PSMC3: variants seen among roughly 807,000 people sequenced by gnomAD.
PSMC3 encodes the protein proteasome 26S subunit, ATPase 3, also known as 26S proteasome regulatory subunit 6A.
In PSMC3, 11 loss-of-function variants were observed where a neutral mutation model predicts 52.0. The ratio of observed to expected loss-of-function variants is 0.21; its 90% CI spans 0.13 to 0.35. PSMC3 has a LOEUF of 0.35. Ranked by LOEUF, PSMC3 falls within the 10% of genes least tolerant of loss-of-function variation. The probability of loss-of-function intolerance (pLI) is 1.00; values close to 1 mark genes in which losing one functional copy is unlikely to be tolerated. For synonymous variants in PSMC3, 201 were observed against 218.8 expected, an observed-to-expected ratio of 0.92 and a Z score of 0.72; for missense variants, 238 against 567.1, an observed-to-expected ratio of 0.42 and a Z score of 5.89.
chr11:47,422,944 G>T lies in PSMC3; in HGVS notation c.621C>A (p.Asn207Lys). Reference protein sequence around the residue: ...ELVEAIVLPMNHKEKFENLGI... With the variant: ...ELVEAIVLPMKHKEKFENLGI... ...CCAAGTTCTCAAACTTCTCCTTGTG[G>T]TTCATTGGCAAGACAATGGCCTCCA... Residue 207 changes from asparagine to lysine, a missense_variant, in exon 7 of 12, where the codon AAC (asparagine) becomes AAA (lysine). Asn to Lys is a moderately conservative substitution (Grantham distance 94). This residue lies in a region of PSMC3 where 60 missense variants were observed against 117.3 expected (regional missense o/e 0.51). Coordinates refer to ENST00000298852, the MANE Select transcript of PSMC3 (RefSeq NM_002804.5). The surrounding 1 kb of genome is among the most constrained non-coding windows in gnomAD (Gnocchi z 4.3). 6.2e-7 allele frequency: 1 copy of T among 1,613,370 alleles called. No individual in the cohort carries two copies.
rs764661922 is a variant in PSMC3 at position 47,422,645 on chromosome 11, G to A, written c.813C>T (p.Ala271=). ...IGDGAKLVRD[A]FALAKEKAPS... ...GCGCTTTCTCCTTGGCCAGGGCAAA[G>A]GCATCCCGGACTAGCTTGGCACCAT... Residue 271 remains alanine, a synonymous_variant, in exon 8 of 12, where the codon GCC becomes GCT. Transcript: ENST00000298852. The surrounding 1 kb of genome is among the most constrained non-coding windows in gnomAD (Gnocchi z 4.3). 4 of 1,614,072 alleles carry A rather than the reference G, an allele frequency of 2.5e-6. No homozygotes were observed. The highest frequency in any genetic ancestry group is 3.4e-6 in the Non-Finnish European group (4 of 1,180,032).
At chr11:47,426,139 C>G in intron 1 of PSMC3, 66 bp downstream of exon 1, 2 of 1,510,074 alleles carry the variant, frequency 1.3e-6, no homozygotes, top group Non-Finnish European at 1.8e-6. Flanking sequence ...CCACCTCCTT[C>G]CCTCTTGTCA....
intron 10 of PSMC3, among the ~76,000 whole-genome samples, chr11:47,419,964 C>T (rs957097415): frequency 4.6e-5 from 7 of 151,968 alleles, no homozygotes; most frequent in Non-Finnish European, 1.0e-4. Flanking sequence ...CCATTCCTGG[C>T]GTGTGTTAAT....
Position 47,426,352 on chromosome 11 carries a change from G to C in PSMC3, c.-73C>G. The C allele has an allele frequency of 1.5e-6, 2 of 1,348,812 alleles. No homozygotes were observed. Among genetic ancestry groups the C allele is most frequent in the Non-Finnish European group, 2.0e-6 (2 of 983,416 alleles). The allele number at this position is 1,348,812 out of a possible 1,614,324, so 83.6% of individuals were successfully genotyped here. On this transcript the variant is annotated 5_prime_UTR_variant, in exon 1 of 12. Transcript: ENST00000298852. ...GGAGATTAATACCGTCTTTCTTAAA[G>C]CCTTCTCTTGACCAGTGGAAAACCT...
Position 47,426,321 on chromosome 11 carries a change from G to A in PSMC3, c.-42C>T, listed in dbSNP as rs1186337904. The A allele has an allele frequency of 4.0e-6, 6 of 1,492,488 alleles. No homozygotes were observed. The highest frequency in any genetic ancestry group is 1.8e-6 in the Non-Finnish European group (2 of 1,100,120). 92.5% of individuals were successfully genotyped at this position (1,492,488 alleles called of 1,614,324 possible). ...CAGAAGATGGGACCAGGCGGGAGCCGCAACGGGAGATTAATACCGTCTTTC... is the reference window on the plus strand; with the variant it reads ...CAGAAGATGGGACCAGGCGGGAGCCACAACGGGAGATTAATACCGTCTTTC... On this transcript the variant is annotated 5_prime_UTR_variant, in exon 1 of 12. Transcript: ENST00000298852.
Position 47,426,326 on chromosome 11 carries a change from G to A in PSMC3, c.-47C>T. 1.4e-6 allele frequency: 2 copies of A among 1,473,984 alleles called. No homozygotes were observed. The highest frequency in any genetic ancestry group is 1.4e-5 in the African/African-American group (1 of 71,274). The allele number at this position is 1,473,984 out of a possible 1,614,324, so 91.3% of individuals were successfully genotyped here. A position where few individuals can be genotyped will look rare whatever the true frequency, so the allele number is the denominator to read the frequency against. On this transcript the variant is annotated 5_prime_UTR_variant, in exon 1 of 12. Transcript: ENST00000298852. ...GATGGGACCAGGCGGGAGCCGCAAC[G>A]GGAGATTAATACCGTCTTTCTTAAA...
chr11:47,423,024 A>G (rs2096042468), intron 6 of PSMC3, 51 bp from the exon 7 acceptor site: 2 of 1,535,238 alleles, frequency 1.3e-6, no homozygotes, highest in South Asian at 1.2e-5. Context: ...GGGCTTCTAC[A>G]GCCCAACCCT....
chr11:47,421,249 C>CAAAAAAAAA (rs56344837), intron 8 of PSMC3, among the ~76,000 whole-genome samples: 10 of 61,406 alleles, frequency 1.6e-4, no homozygotes, highest in Admixed American at 2.7e-4. Flanking sequence ...GACTCCATCT[C>CAAAAAAAAA]AAAAAAAAAA....
chr11:47,425,045 T>C, intron 3 of PSMC3, 76 bp downstream of exon 3: 3 of 1,595,622 alleles, frequency 1.9e-6, no homozygotes, highest in South Asian at 1.1e-5. Context: ...CCACCCACTC[T>C]TTCCCTAGTG....
chr11:47,422,919 C>G lies in PSMC3; in HGVS notation c.646G>C (p.Gly216Arg). Residue 216 changes from glycine (G) to arginine (R), a missense_variant, in exon 7 of 12, where the codon GGG (glycine) becomes CGG (arginine). Gly to Arg is a moderately radical substitution (Grantham distance 125, BLOSUM62 -2). Transcript: ENST00000298852. The surrounding 1 kb of genome is among the most constrained non-coding windows in gnomAD (Gnocchi z 4.3). ...MNHKEKFENL[G>R]IQPPKGVLMY... ...AGCACCCCTTTTGGAGGTTGGATCC[C>G]CAAGTTCTCAAACTTCTCCTTGTGG... The G allele has an allele frequency of 6.2e-7, 1 of 1,613,906 alleles. No homozygotes were observed. Among genetic ancestry groups the G allele is most frequent in the Non-Finnish European group, 8.5e-7 (1 of 1,179,938 alleles).
intron 2 of PSMC3, 164 bp from the exon 3 acceptor site, chr11:47,425,410 A>G: frequency 3.6e-6 from 3 of 834,580 alleles, no homozygotes; most frequent in Non-Finnish European, 5.5e-6. Flanking sequence ...CATCCTGCAG[A>G]AGTCAAAAGA....
In PSMC3 at chr11:47,424,425, TCAC is replaced by T; in HGVS notation, c.453+1_453+3del. 1 of 1,614,044 alleles carries T rather than the reference TCAC, an allele frequency of 6.2e-7. No homozygotes were observed. Among genetic ancestry groups the T allele is most frequent in the Non-Finnish European group, 8.5e-7 (1 of 1,179,926 alleles). The stretch of plus-strand genomic sequence containing the variant: ...AGCACTGCCTGGGCTCAGGCCCCAC[TCAC>T]CACCAGGTCTCCTGGCTTTAGCTTT... On this transcript the variant is annotated splice_donor_variant and splice_donor_region_variant and intron_variant, in intron 5 of 11. Coordinates refer to ENST00000298852, the MANE Select transcript of PSMC3 (RefSeq NM_002804.5). LOFTEE classifies it high-confidence loss of function. This position sits in a 1 kb window ranked among gnomAD's most constrained non-coding sequence, Gnocchi z 4.8.
intron 2 of PSMC3, 81 bp from the exon 3 acceptor site, chr11:47,425,327 G>A: frequency 6.4e-7 from 1 of 1,560,404 alleles, no homozygotes; most frequent in Non-Finnish European, 8.8e-7. Flanking sequence ...GAGGTCCAGG[G>A]TGCCCAGGGG....
chr11:47,424,341 A>C lies in PSMC3; in HGVS notation c.453+88T>G. ...CCCAGACTCTCGGAGCTGTTCTGCC[A>C]AGATTCAGAGCCAACAGTGACCTGG... On this transcript the variant is annotated intron_variant, in intron 5 of 11. Transcript: ENST00000298852. This position sits in a 1 kb window ranked among gnomAD's most constrained non-coding sequence, Gnocchi z 4.8. The C allele has an allele frequency of 1.3e-6, 2 of 1,567,220 alleles. No homozygotes were observed. Among genetic ancestry groups the C allele is most frequent in the Non-Finnish European group, 1.8e-6 (2 of 1,138,632 alleles).
Position 47,424,998 on chromosome 11 carries a change from A to T in PSMC3, c.285+123T>A. ...GTCTTCCCCATGAAAGTGCCCCAGG[A>T]GGTGTAGCTCTGACATGCAGTTTGG... On this transcript the variant is annotated intron_variant, in intron 3 of 11. Transcript: ENST00000298852. The surrounding 1 kb of genome is among the most constrained non-coding windows in gnomAD (Gnocchi z 4.8). 1 of 1,407,478 alleles carries T rather than the reference A, an allele frequency of 7.1e-7. No homozygotes were observed. Among genetic ancestry groups the T allele is most frequent in the South Asian group, 1.3e-5 (1 of 78,934 alleles). The allele number at this position is 1,407,478 out of a possible 1,614,324, so 87.2% of individuals were successfully genotyped here. A position where few individuals can be genotyped will look rare whatever the true frequency, so the allele number is the denominator to read the frequency against.
Position 47,424,138 on chromosome 11 carries a change from CTG to C in PSMC3, c.497_498del (p.Thr166ArgfsTer3). 6.2e-7 allele frequency: 1 copy of C among 1,614,214 alleles called. No homozygotes were observed. Among genetic ancestry groups the C allele is most frequent in the Non-Finnish European group, 8.5e-7 (1 of 1,180,038 alleles). On this transcript the variant is annotated frameshift_variant, in exon 6 of 12. Coordinates refer to ENST00000298852, the MANE Select transcript of PSMC3 (RefSeq NM_002804.5). LOFTEE classifies it high-confidence loss of function. This position sits in a 1 kb window ranked among gnomAD's most constrained non-coding sequence, Gnocchi z 4.8. ...DSYLILETLPTEYDSRVKAME... is the reference protein window; with the variant it reads ...DSYLILETLPXEYDSRVKAME... ...ATGGCCTTCACCCGCGAGTCATACT[CTG>C]TGGGCAGCGTCTCCAGGATCAGATA...
chr11:47,425,667 C>A, intron 2 of PSMC3, 200 bp downstream of exon 2: 1 of 571,320 alleles, frequency 1.8e-6, no homozygotes. Flanking sequence ...CTCATCTCAG[C>A]CCAGGCCTCC....
At chr11:47,425,675 TC>T in intron 2 of PSMC3, 191 bp downstream of exon 2, 1 of 575,194 alleles carries the variant, frequency 1.7e-6, no homozygotes. Context: ...AGCCCAGGCC[TC>T]CCACCACCCC....
At position 47,420,565 on chromosome 11, in the gene PSMC3, G is replaced by C. The variant is rs996945022; in HGVS notation, c.981+66C>G. 18 of 1,516,854 alleles carry C rather than the reference G, an allele frequency of 1.2e-5. No individual in the cohort carries two copies. The Admixed American group carries it at 3.3e-4, about 28-fold the overall frequency. 94.0% of individuals were successfully genotyped at this position (1,516,854 alleles called of 1,614,324 possible). ...CTCATTCCAGCTCCACCACTGGCTA[G>C]CTGGGGGCCTGACAGCTCCTGACCT... On this transcript the variant is annotated intron_variant, in intron 9 of 11. Coordinates refer to ENST00000298852, the MANE Select transcript of PSMC3 (RefSeq NM_002804.5).
Sources: allele counts gnomAD v4.1 joint callset (sites outside exome capture counted in the v4.1 genomes callset), GRCh38; gene constraint gnomAD v4.1.1; regional missense constraint gnomAD v4.1.1; non-coding constraint Gnocchi (gnomAD v3.1); transcripts MANE v1.5; gene names NCBI Gene and HGNC (gene_info 2026-07-23, HGNC 2026-07-21).